TCIRG1: variants seen among roughly 807,000 people sequenced by gnomAD.
TCIRG1 encodes T cell immune regulator 1, ATPase H+ transporting V0 subunit a3.
A neutral mutation model predicts 95.5 loss-of-function variants in TCIRG1; 86 were observed. The observed-to-expected ratio is 0.90, with a 90% CI of 0.76 to 1.08. The LOEUF is 1.08. TCIRG1 is among the 50% of genes least tolerant of loss of function. TCIRG1 has a pLI of 0.00. For synonymous variants in TCIRG1, 499 were observed against 501.3 expected, an observed-to-expected ratio of 1.00 and a Z score of 0.06; for missense variants, 1,069 against 1,140.2, an observed-to-expected ratio of 0.94 and a Z score of 0.90.
chr11:68,043,673 C>T lies in TCIRG1; in HGVS notation c.713+20C>T, dbSNP rs766501267. The T allele has an allele frequency of 1.1e-4, 179 of 1,586,562 alleles. 2 individuals are homozygous for T. In the South Asian group the frequency reaches 1.7e-3, roughly 15 times the overall value. On this transcript the variant is annotated intron_variant, in intron 7 of 19. Coordinates refer to ENST00000265686, the MANE Select transcript of TCIRG1 (RefSeq NM_006019.4). ...GGACTGGTGAGTCACTGGGAACACC[C>T]GCCCCACCGCCCTGCTCCCCAGGCC...
At chr11:68,042,406 G>A (rs946850699) in intron 3 of TCIRG1, among the ~76,000 whole-genome samples, 2 of 152,206 alleles carry the variant, frequency 1.3e-5, no homozygotes, top group Non-Finnish European at 2.9e-5. Context: ...CGGCCTGTGG[G>A]GAGACCTCAG....
rs773182208 is a variant in TCIRG1 at position 68,041,300 on chromosome 11, T to G, written c.29T>G (p.Val10Gly). The part of the protein sequence containing the change: MGSMFRSEE[V>G]ALVQLFLPTA... ...GGCTCCATGTTCCGGAGCGAGGAGG[T>G]GGCCCTGGTCCAGCTCTTTCTGCCC... is the stretch of plus-strand genomic sequence containing the variant. The change falls in exon 2 of 20, where the codon GTG becomes GGG. Residue 10 changes from valine to glycine, a missense_variant. Val to Gly is a moderately radical substitution (Grantham distance 109). Transcript: ENST00000265686. The G allele has an allele frequency of 6.2e-6, 10 of 1,612,832 alleles. No homozygotes were observed. In the South Asian group the frequency reaches 1.1e-4, roughly 18 times the overall value.
Position 68,045,057 on chromosome 11 carries a change from A to ATCG in TCIRG1, c.1122_1124dup (p.Val375dup), listed in dbSNP as rs1554996686. 1.9e-6 allele frequency: 3 copies of ATCG among 1,604,804 alleles called. No individual in the cohort carries two copies. Among genetic ancestry groups the ATCG allele is most frequent in the Non-Finnish European group, 2.5e-6 (3 of 1,179,536 alleles). ...CCGCTTCACGGCCAGCTTCCAGGGC[A>ATCG]TCGTGGATGCCTACGGCGTGGGCCG... On this transcript the variant is annotated inframe_insertion, in exon 10 of 20. Transcript: ENST00000265686.
rs1855562885 is a variant in TCIRG1, at chr11:68,047,542, C to T, written c.1275C>T (p.Asn425=). The T allele has an allele frequency of 2.5e-6, 4 of 1,613,964 alleles. No homozygotes were observed. Among genetic ancestry groups the T allele is most frequent in the South Asian group, 1.1e-5 (1 of 91,088 alleles). The change falls in exon 11 of 20, where the codon AAC becomes AAT. Residue 425 remains asparagine, a synonymous_variant. Coordinates refer to ENST00000265686, the MANE Select transcript of TCIRG1 (RefSeq NM_006019.4). ...LFALAMVLAE[N]RPAVKAAQNE... is the part of the protein sequence containing the mutation. ...CCCTGGCCATGGTCCTTGCGGAGAA[C>T]CGACCGGCTGTGAAGGCCGCGCAGA...
chr11:68,049,890 G>A (rs779250635), intron 16 of TCIRG1, 72 bp from the exon 17 acceptor site: 5 of 1,560,798 alleles, frequency 3.2e-6, no homozygotes, highest in Admixed American at 1.9e-5. Flanking sequence ...GAGTGGCCAG[G>A]AGCAGGCCTG....
intron 18 of TCIRG1, 43 bp downstream of exon 18, chr11:68,050,297 T>C: frequency 6.2e-7 from 1 of 1,602,500 alleles, no homozygotes; most frequent in Non-Finnish European, 8.5e-7. Flanking sequence ...GCTCCTGGCT[T>C]CTCACATACC....
At chr11:68,041,885 C>T in intron 3 of TCIRG1, 54 bp downstream of exon 3, 1 of 1,488,394 alleles carries the variant, frequency 6.7e-7, no homozygotes, top group Non-Finnish European at 9.2e-7. Context: ...GAGGCATGGG[C>T]CAAGTTTGAT....
intron 14 of TCIRG1, 29 bp from the exon 15 acceptor site, chr11:68,049,052 A>G (rs753556948): frequency 1.9e-6 from 3 of 1,612,838 alleles, no homozygotes; most frequent in East Asian, 2.2e-5. Flanking sequence ...AGTGGGCCCC[A>G]GTGAGCACAC....
intron 1 of TCIRG1, 51 bp from the exon 2 acceptor site, chr11:68,041,217 G>A: frequency 7.9e-7 from 1 of 1,264,148 alleles, no homozygotes; most frequent in Non-Finnish European, 1.2e-6. Flanking sequence ...CCGTGGTTGG[G>A]AACTGTCTGT....
intron 7 of TCIRG1, 30 bp from the exon 8 acceptor site, chr11:68,043,784 G>C (rs1275759441): frequency 6.4e-7 from 1 of 1,552,652 alleles, no homozygotes; most frequent in Non-Finnish European, 8.7e-7. Flanking sequence ...GTGTCCTTCT[G>C]GCCCCTCACG....
chr11:68,046,229 G>A (rs1350118724), intron 10 of TCIRG1, among the ~76,000 whole-genome samples: 1 of 152,206 alleles, frequency 6.6e-6, no homozygotes, highest in Non-Finnish European at 1.5e-5. Context: ...AGCAGGGGCC[G>A]GGGGCACTGG....
At chr11:68,046,016 T>C (rs1855465452) in intron 10 of TCIRG1, among the ~76,000 whole-genome samples, 3 of 152,158 alleles carry the variant, frequency 2.0e-5, no homozygotes, top group Admixed American at 2.0e-4. Context: ...CCCAACAGGA[T>C]TCCCCTGCAC....
At chr11:68,049,399 A>G (rs1353603045) in intron 15 of TCIRG1, 105 bp downstream of exon 15, 17 of 1,264,528 alleles carry the variant, frequency 1.3e-5, no homozygotes, top group Middle Eastern at 5.4e-4. Context: ...ACGGGGATGC[A>G]GGCCCCGGGC....
chr11:68,049,820 C>G, intron 16 of TCIRG1, 32 bp downstream of exon 16: 1 of 1,559,506 alleles, frequency 6.4e-7, no homozygotes, highest in Non-Finnish European at 8.6e-7. Context: ...TGGGGGGCTG[C>G]TTGCGGGGAG....
chr11:68,044,894 G>A (rs1855395686), intron 9 of TCIRG1, 64 bp from the exon 10 acceptor site: 3 of 1,595,876 alleles, frequency 1.9e-6, no homozygotes, highest in African/African-American at 2.7e-5. Context: ...GGGCCTGGCT[G>A]GAGATCCCAG....
intron 16 of TCIRG1, 59 bp from the exon 17 acceptor site, chr11:68,049,903 G>C (rs1252478703): frequency 3.2e-6 from 5 of 1,563,298 alleles, no homozygotes; most frequent in Non-Finnish European, 4.3e-6. Flanking sequence ...CAGGCCTGGC[G>C]GGTGGTGGGG....
chr11:68,048,848 T>C (rs777105902), intron 13 of TCIRG1, 31 bp from the exon 14 acceptor site: 2 of 1,508,530 alleles, frequency 1.3e-6, no homozygotes, highest in Admixed American at 1.7e-5. Context: ...AGGGAGCCCC[T>C]GAGTCCAGCC....
rs946502455 is a variant in TCIRG1 at position 68,041,881 on chromosome 11, T to C, written c.196+50T>C. 2.7e-6 allele frequency: 4 copies of C among 1,508,158 alleles called. No homozygotes were observed. In the East Asian group the frequency reaches 7.2e-5, roughly 27 times the overall value. The allele number at this position is 1,508,158 out of a possible 1,614,324, so 93.4% of individuals were successfully genotyped here. A position where few individuals can be genotyped will look rare whatever the true frequency, so the allele number is the denominator to read the frequency against. Reference sequence around the variant, plus strand: ...CCAGGCAGGCTTCCTGGAGGAGGCATGGGCCAAGTTTGATCTGAAAGGAAG... The same window carrying C: ...CCAGGCAGGCTTCCTGGAGGAGGCACGGGCCAAGTTTGATCTGAAAGGAAG... On this transcript the variant is annotated intron_variant, in intron 3 of 19. Coordinates refer to ENST00000265686, the MANE Select transcript of TCIRG1 (RefSeq NM_006019.4).
rs768203698 is a variant in TCIRG1, at chr11:68,041,288, G to C, written c.17G>C (p.Arg6Pro). 5 of 1,612,706 alleles carry C rather than the reference G, an allele frequency of 3.1e-6. No individual in the cohort carries two copies. In the Admixed American group the frequency reaches 8.3e-5, roughly 27 times the overall value. The change falls in exon 2 of 20, where the codon CGG becomes CCG. Residue 6 changes from arginine (R) to proline (P), a missense_variant. Coordinates refer to ENST00000265686, the MANE Select transcript of TCIRG1 (RefSeq NM_006019.4). The part of the protein sequence containing the change: MGSMF[R>P]SEEVALVQLF... Reference sequence around the variant, plus strand: ...CACAGGACCATGGGCTCCATGTTCCGGAGCGAGGAGGTGGCCCTGGTCCAG... The same window carrying C: ...CACAGGACCATGGGCTCCATGTTCCCGAGCGAGGAGGTGGCCCTGGTCCAG...
Sources: gnomAD v4.1 joint callset for allele counts (sites outside exome capture counted in the v4.1 genomes callset) on GRCh38, gnomAD v4.1.1 for gene constraint, MANE v1.5 for transcripts, NCBI Gene and HGNC (gene_info 2026-07-23, HGNC 2026-07-21) for gene names.